The following OCIAD2 variants were observed in gnomAD, a reference collection of about 807,000 sequenced individuals.
The protein encoded by OCIAD2 is OCIA domain containing 2, also known as OCIA domain-containing protein 2.
Under a neutral mutation model 22.9 loss-of-function variants are expected in OCIAD2, and 29 were observed. The ratio of observed to expected loss-of-function variants is 1.27; its 90% CI spans 0.94 to 1.73. The LOEUF is 1.73. OCIAD2 is among the 40% of genes most tolerant of loss of function. The pLI is 0.00. For missense variants in OCIAD2, 189 were observed against 180.3 expected (o/e 1.05, Z -0.28); for synonymous variants, 67 against 60.2 (o/e 1.11, Z -0.52).
At chr4:48,889,838 A>G (rs193197663) in intron 6 of OCIAD2, among the ~76,000 whole-genome samples, 3 of 152,338 alleles carry the variant, frequency 2.0e-5, no homozygotes, top group African/African-American at 7.2e-5. Context: ...TCACAATAGC[A>G]AAGACTTGGA....
Position 48,885,396 on chromosome 4 carries a change from G to T in OCIAD2, c.*88C>A. The T allele has an allele frequency of 1.3e-6, 1 of 775,318 alleles. No homozygotes were observed. Among genetic ancestry groups the T allele is most frequent in the East Asian group, 2.4e-5 (1 of 41,096 alleles). The allele number at this position is 775,318 out of a possible 1,614,324, so 48.0% of individuals were successfully genotyped here. ...CAGACACAATGTTTTTGTTCCATTA[G>T]AAGTATTTTATTTTAAAGTACACTT... On this transcript the variant is annotated 3_prime_UTR_variant, in exon 7 of 7. Transcript: ENST00000508632.
intron 2 of OCIAD2, among the ~76,000 whole-genome samples, chr4:48,903,292 C>A (rs1298086559): frequency 6.6e-6 from 1 of 152,060 alleles, no homozygotes; most frequent in Non-Finnish European, 1.5e-5. Flanking sequence ...ACTCTGCCAC[C>A]CTGAACAGGA....
intron 6 of OCIAD2, among the ~76,000 whole-genome samples, chr4:48,889,844 T>A (rs544576782): frequency 2.4e-4 from 37 of 152,232 alleles, no homozygotes; most frequent in African/African-American, 8.4e-4. Flanking sequence ...TAGCAAAGAC[T>A]TGGAACCAAC....
intron 3 of OCIAD2, 48 bp from the exon 4 acceptor site, chr4:48,897,905 C>G: frequency 7.3e-7 from 1 of 1,371,502 alleles, no homozygotes; most frequent in Non-Finnish European, 1.0e-6. Context: ...AAAATTGGCA[C>G]CTCACCTAGA....
chr4:48,889,690 C>G (rs1405744072), intron 6 of OCIAD2, among the ~76,000 whole-genome samples: 1 of 152,186 alleles, frequency 6.6e-6, no homozygotes, highest in Non-Finnish European at 1.5e-5. Context: ...TTATGGAAGA[C>G]AGTGTGGCAA....
chr4:48,887,173 C>T (rs2109663929), intron 6 of OCIAD2, among the ~76,000 whole-genome samples: 1 of 152,240 alleles, frequency 6.6e-6, no homozygotes, highest in East Asian at 1.9e-4. Flanking sequence ...CCTTTGCCCA[C>T]TTGTTGATGG....
chr4:48,900,019 G>T, intron 2 of OCIAD2, 94 bp from the exon 3 acceptor site: 1 of 818,696 alleles, frequency 1.2e-6, no homozygotes, highest in Non-Finnish European at 2.0e-6. Context: ...CTCTTCACTT[G>T]TTACACAGTG....
At chr4:48,903,577 G>A (rs192357933) in intron 2 of OCIAD2, among the ~76,000 whole-genome samples, 1 of 151,580 alleles carries the variant, frequency 6.6e-6, no homozygotes, top group East Asian at 1.9e-4. Flanking sequence ...TTCAGTCACT[G>A]ACAGTTCATC....
chr4:48,892,111 T>C (rs1399806305), intron 6 of OCIAD2, among the ~76,000 whole-genome samples: 1 of 152,254 alleles, frequency 6.6e-6, no homozygotes, highest in East Asian at 1.9e-4. Context: ...GAGGGGTGTT[T>C]AGAGAAATGT....
At chr4:48,896,464 G>A (rs1194998646) in intron 4 of OCIAD2, among the ~76,000 whole-genome samples, 7 of 152,054 alleles carry the variant, frequency 4.6e-5, no homozygotes, top group Admixed American at 3.9e-4. Flanking sequence ...GTGGTGGCAT[G>A]TGTCTATAGA....
Position 48,885,415 on chromosome 4 carries a change from T to C in OCIAD2, c.*69A>G, listed in dbSNP as rs1780952022. On this transcript the variant is annotated 3_prime_UTR_variant, in exon 7 of 7. Transcript: ENST00000508632. ...CCATTAGAAGTATTTTATTTTAAAG[T>C]ACACTTGAAATTTTAAATGTGTACA... 1.2e-6 allele frequency: 1 copy of C among 841,344 alleles called. No individual in the cohort carries two copies. The highest frequency in any genetic ancestry group is 1.7e-5 in the African/African-American group (1 of 59,024). The allele number at this position is 841,344 out of a possible 1,614,324, so 52.1% of individuals were successfully genotyped here. A position where few individuals can be genotyped will look rare whatever the true frequency, so the allele number is the denominator to read the frequency against.
chr4:48,906,546 TG>T, intron 1 of OCIAD2, 111 bp downstream of exon 1: 1 of 151,830 alleles, frequency 6.6e-6, no homozygotes, highest in Non-Finnish European at 1.5e-5. Context: ...TAGGGGAGAG[TG>T]GGGGGCGGCC....
In OCIAD2 at chr4:48,897,850, A is replaced by G; in HGVS notation, c.171T>C (p.Pro57=). The change falls in exon 4 of 7, where the codon CCT becomes CCC. Residue 57 remains proline (P), a synonymous_variant. Coordinates refer to ENST00000508632, the MANE Select transcript of OCIAD2 (RefSeq NM_001014446.3). ...TGACAAGCATGCTTACAAGAGAAAA[A>G]GGCAGAGCTGTAAAGCAAAAATGTC... The part of the protein sequence containing the change: ...QEESFWKRAL[P]FSLVSMLVTQ... 6.2e-7 allele frequency: 1 copy of G among 1,611,870 alleles called. No homozygotes were observed. The highest frequency in any genetic ancestry group is 8.5e-7 in the Non-Finnish European group (1 of 1,178,194).
At chr4:48,886,307 C>T (rs1029310639) in intron 6 of OCIAD2, among the ~76,000 whole-genome samples, 1 of 152,066 alleles carries the variant, frequency 6.6e-6, no homozygotes, top group East Asian at 1.9e-4. Context: ...GGTACCAGTA[C>T]CATGCTGTTT....
At chr4:48,904,861 C>A (rs1781493826) in intron 1 of OCIAD2, among the ~76,000 whole-genome samples, 2 of 151,962 alleles carry the variant, frequency 1.3e-5, no homozygotes, top group Non-Finnish European at 2.9e-5. Flanking sequence ...ATGTGCCAGG[C>A]CAGGGGATAT....
At chr4:48,885,790 C>T (rs1190077042) in intron 6 of OCIAD2, among the ~76,000 whole-genome samples, 3 of 152,158 alleles carry the variant, frequency 2.0e-5, no homozygotes, top group Non-Finnish European at 4.4e-5. Context: ...CTGGCTTTAA[C>T]ACAATATTAG....
chr4:48,886,866 T>C (rs1474557849), intron 6 of OCIAD2, among the ~76,000 whole-genome samples: 1 of 152,230 alleles, frequency 6.6e-6, no homozygotes, highest in Non-Finnish European at 1.5e-5. Context: ...AGTAATGGGA[T>C]GGCTGGGTCA....
chr4:48,889,689 A>T (rs1322808361), intron 6 of OCIAD2, among the ~76,000 whole-genome samples: 3 of 152,210 alleles, frequency 2.0e-5, no homozygotes, highest in African/African-American at 7.2e-5. Flanking sequence ...ATTATGGAAG[A>T]CAGTGTGGCA....
At chr4:48,888,596 T>C (rs1187443400) in intron 6 of OCIAD2, among the ~76,000 whole-genome samples, 2 of 152,226 alleles carry the variant, frequency 1.3e-5, no homozygotes, top group African/African-American at 4.8e-5. Flanking sequence ...GAGATAATCA[T>C]GTGGTTTTGG....
Sources: allele counts gnomAD v4.1 joint callset (sites outside exome capture counted in the v4.1 genomes callset), GRCh38; gene constraint gnomAD v4.1.1; transcripts MANE v1.5; gene names NCBI Gene and HGNC (gene_info 2026-07-23, HGNC 2026-07-21).